The following MIPEP variants were observed in gnomAD, a reference collection of about 807,000 sequenced individuals.
The protein encoded by MIPEP is mitochondrial intermediate peptidase.
Under a neutral mutation model 90.3 loss-of-function variants are expected in MIPEP, and 79 were observed. The ratio of observed to expected loss-of-function variants is 0.87; its 90% CI spans 0.73 to 1.05. The LOEUF is 1.05. Ranked by LOEUF, MIPEP falls within the 50% of genes least tolerant of loss-of-function variation. MIPEP has a pLI of 0.00. For synonymous variants in MIPEP, 334 were observed against 315.8 expected (o/e 1.06, Z -0.61); for missense variants, 940 against 905.6 (o/e 1.04, Z -0.49).
chr13:23,737,348 T>C (rs1194419127), intron 18 of MIPEP, among the ~76,000 whole-genome samples: 2 of 152,146 alleles, frequency 1.3e-5, no homozygotes, highest in African/African-American at 2.4e-5. Flanking sequence ...TCACAATGCT[T>C]GGTTGCTGCT....
At chr13:23,877,544 T>A (rs943089145) in intron 4 of MIPEP, among the ~76,000 whole-genome samples, 1 of 152,190 alleles carries the variant, frequency 6.6e-6, no homozygotes, top group East Asian at 1.9e-4. Context: ...ACTACTAAAA[T>A]TCTTCAAGCA....
chr13:23,772,047 T>C (rs563794052), intron 16 of MIPEP, among the ~76,000 whole-genome samples: 6 of 148,502 alleles, frequency 4.0e-5, no homozygotes, highest in African/African-American at 1.3e-4. Context: ...CCGTAACAAC[T>C]GCCCCCCCAC....
chr13:23,753,301 G>T (rs913319588), intron 18 of MIPEP, among the ~76,000 whole-genome samples: 1 of 151,672 alleles, frequency 6.6e-6, no homozygotes, highest in East Asian at 1.9e-4. Context: ...TTTACCTCCC[G>T]CAAGGAAATT....
At chr13:23,776,629 T>C (rs911387049) in intron 16 of MIPEP, among the ~76,000 whole-genome samples, 5 of 152,342 alleles carry the variant, frequency 3.3e-5, no homozygotes, top group South Asian at 2.1e-4. Flanking sequence ...ATAAAAGTTG[T>C]GGTTTTAGTG....
intron 11 of MIPEP, among the ~76,000 whole-genome samples, chr13:23,840,146 C>T (rs539809284): frequency 6.6e-6 from 1 of 152,294 alleles, no homozygotes; most frequent in African/African-American, 2.4e-5. Flanking sequence ...ATGCAGCTCC[C>T]AGCTTGAGTT....
intron 3 of MIPEP, among the ~76,000 whole-genome samples, chr13:23,880,546 G>A (rs930424237): frequency 3.3e-5 from 5 of 152,126 alleles, no homozygotes; most frequent in East Asian, 1.9e-4. Flanking sequence ...CGTCTAATTC[G>A]GCAGGACACA....
At chr13:23,758,172 C>G (rs897963991) in intron 17 of MIPEP, among the ~76,000 whole-genome samples, 4 of 152,176 alleles carry the variant, frequency 2.6e-5, no homozygotes, top group Admixed American at 2.6e-4. Flanking sequence ...TGACTCCCGA[C>G]CTGGGGTGCT....
At chr13:23,752,089 A>C (rs1369637946) in intron 18 of MIPEP, among the ~76,000 whole-genome samples, 1 of 152,200 alleles carries the variant, frequency 6.6e-6, no homozygotes, top group African/African-American at 2.4e-5. Flanking sequence ...ACACTGACAA[A>C]GTTTCATTAT....
Position 23,754,313 on chromosome 13 carries a change from A to C in MIPEP, c.2044+2232T>G, listed in dbSNP as rs145151239. Among the ~76,000 whole-genome samples the C allele has an allele frequency of 3.7e-3, 559 of 152,318 alleles. 7 individuals carry two copies. Among genetic ancestry groups the C allele is most frequent in the African/African-American group, 0.013 (535 of 41,556 alleles). On this transcript the variant is annotated intron_variant, in intron 18 of 18. Coordinates refer to ENST00000382172, the MANE Select transcript of MIPEP (RefSeq NM_005932.4). ...CCAGCCCTATGAAGTGACAACTGGC[A>C]TAACCCTCTTTGCATGTCCCCCATT...
intron 14 of MIPEP, 131 bp downstream of exon 14, chr13:23,836,109 A>AG: frequency 1.8e-6 from 1 of 545,974 alleles, no homozygotes; most frequent in Non-Finnish European, 3.2e-6. Context: ...CAGGAAAAAA[A>AG]GAAGCAATAA....
At chr13:23,776,566 A>G (rs561499024) in intron 16 of MIPEP, among the ~76,000 whole-genome samples, 129 of 152,346 alleles carry the variant, frequency 8.5e-4, no homozygotes, top group African/African-American at 3.0e-3. Context: ...CCATCCTGAA[A>G]GATGTCATTC....
chr13:23,888,518 T>TTACCCC (rs1871622316), intron 1 of MIPEP, among the ~76,000 whole-genome samples: 4 of 152,138 alleles, frequency 2.6e-5, no homozygotes, highest in African/African-American at 9.7e-5. Context: ...CAACGCAGGC[T>TTACCCC]AGTGACTTCC....
At chr13:23,790,540 T>C (rs762061245) in intron 16 of MIPEP, among the ~76,000 whole-genome samples, 2 of 151,900 alleles carry the variant, frequency 1.3e-5, no homozygotes, top group Non-Finnish European at 2.9e-5. Flanking sequence ...GAGTACGCCC[T>C]AGTCAGAACC....
rs1417562196 is a variant in MIPEP at position 23,796,050 on chromosome 13, A to C, written c.1848+9900T>G. Among the ~76,000 whole-genome samples the C allele has an allele frequency of 3.9e-5, 6 of 152,224 alleles. No homozygotes were observed. The East Asian group carries it at 9.6e-4, about 24-fold the overall frequency. On this transcript the variant is annotated intron_variant, in intron 16 of 18. Coordinates refer to ENST00000382172, the MANE Select transcript of MIPEP (RefSeq NM_005932.4). ...GAGTGTTTAAATGTCACCTATCTTC[A>C]TATATTATATATATATGTGTGTGTG... is the stretch of plus-strand genomic sequence containing the variant.
chr13:23,783,038 C>T (rs1952797469), intron 16 of MIPEP, among the ~76,000 whole-genome samples: 1 of 152,182 alleles, frequency 6.6e-6, no homozygotes, highest in South Asian at 2.1e-4. Flanking sequence ...CAAGGAGGAG[C>T]TGGTACCATT....
At chr13:23,779,098 T>C (rs528328582) in intron 16 of MIPEP, among the ~76,000 whole-genome samples, 7 of 152,300 alleles carry the variant, frequency 4.6e-5, no homozygotes, top group African/African-American at 1.7e-4. Context: ...TAGCACTCTT[T>C]CAAACCATAG....
chr13:23,760,027 T>C (rs1952523366), intron 17 of MIPEP, 69 bp downstream of exon 17: 2 of 1,600,670 alleles, frequency 1.2e-6, no homozygotes, highest in African/African-American at 2.7e-5. Context: ...CGAGCCCGAC[T>C]TCCAGATGTA....
intron 14 of MIPEP, among the ~76,000 whole-genome samples, chr13:23,833,788 G>T (rs1182500846): frequency 6.7e-6 from 1 of 150,196 alleles, no homozygotes; most frequent in Admixed American, 6.6e-5. Context: ...TCACCCCCGC[G>T]TGTGTGTCCT....
At position 23,794,220 on chromosome 13, in the gene MIPEP, T is replaced by TGA. The variant is rs376104199; in HGVS notation, c.1848+11728_1848+11729dup. Among the ~76,000 whole-genome samples the TGA allele has an allele frequency of 7.7e-4, 117 of 152,164 alleles. No individual in the cohort carries two copies. The Middle Eastern group carries it at 0.014, about 18-fold the overall frequency. On this transcript the variant is annotated intron_variant, in intron 16 of 18. Coordinates refer to ENST00000382172, the MANE Select transcript of MIPEP (RefSeq NM_005932.4). ...GAGGTAATTCATCTTCAAATCAGTG[T>TGA]GATATAGTACCCCAGGCTGCCTCCA...
Sources: allele counts gnomAD v4.1 joint callset (sites outside exome capture counted in the v4.1 genomes callset), GRCh38; gene constraint gnomAD v4.1.1; transcripts MANE v1.5; gene names NCBI Gene and HGNC (gene_info 2026-07-23, HGNC 2026-07-21).